ITGA9: variants seen among roughly 807,000 people sequenced by gnomAD.
The protein encoded by ITGA9 is integrin alpha-9.
ITGA9 carries 56 observed loss-of-function variants against 127.8 expected under a neutral mutation model. The observed-to-expected ratio is 0.44, with a 90% CI of 0.35 to 0.55. The LOEUF is 0.55. Ranked by LOEUF, ITGA9 falls within the 20% of genes least tolerant of loss-of-function variation. The pLI, the probability that ITGA9 is intolerant of heterozygous loss-of-function variation, is 0.00. For synonymous variants in ITGA9, 508 were observed against 514.5 expected (o/e 0.99, Z 0.17); for missense variants, 1,196 against 1,347.1 (o/e 0.89, Z 1.76).
intron 26 of ITGA9, among the ~76,000 whole-genome samples, chr3:37,794,648 A>G (rs960315299): frequency 6.6e-6 from 1 of 152,220 alleles, no homozygotes; most frequent in Non-Finnish European, 1.5e-5. Context: ...AGTAGTAGAT[A>G]GTAAACCTCT....
chr3:37,692,134 T>G (rs551579722), intron 18 of ITGA9, among the ~76,000 whole-genome samples: 2 of 152,232 alleles, frequency 1.3e-5, no homozygotes, highest in African/African-American at 4.8e-5. Context: ...AAGGATTAAA[T>G]GAGTCCTACA....
chr3:37,472,570 GT>G (rs1698444455), intron 2 of ITGA9, among the ~76,000 whole-genome samples: 1 of 151,828 alleles, frequency 6.6e-6, no homozygotes, highest in Non-Finnish European at 1.5e-5. Flanking sequence ...TAATTTTTGT[GT>G]TTTTAGTGGA....
chr3:37,483,926 G>C (rs1229407496), intron 4 of ITGA9, among the ~76,000 whole-genome samples: 2 of 152,216 alleles, frequency 1.3e-5, no homozygotes, highest in South Asian at 2.1e-4. Context: ...AAACCATTTT[G>C]TGTCCTGGTA....
chr3:37,590,012 G>T (rs901868256), intron 15 of ITGA9, among the ~76,000 whole-genome samples: 14 of 152,120 alleles, frequency 9.2e-5, no homozygotes, highest in African/African-American at 3.1e-4. Context: ...TCTACCTGCA[G>T]CCGCCATCCC....
At chr3:37,477,697 T>C (rs1698507943) in intron 3 of ITGA9, among the ~76,000 whole-genome samples, 1 of 152,206 alleles carries the variant, frequency 6.6e-6, no homozygotes, top group South Asian at 2.1e-4. Context: ...GAACAAACTC[T>C]GTATAGGCAC....
At chr3:37,637,916 G>T (rs1700296264) in intron 16 of ITGA9, among the ~76,000 whole-genome samples, 1 of 152,124 alleles carries the variant, frequency 6.6e-6, no homozygotes, top group African/African-American at 2.4e-5. Flanking sequence ...CAGGTGATCT[G>T]TCCGCCTTGA....
chr3:37,750,602 C>T (rs368526543), intron 23 of ITGA9, 33 bp downstream of exon 23: 1 of 1,437,702 alleles, frequency 7.0e-7, no homozygotes, highest in Non-Finnish European at 9.8e-7. Context: ...CTATTGCTTT[C>T]AGCTTTGAGC....
In ITGA9 at chr3:37,822,731, G is replaced by A. The variant is rs185676335; in HGVS notation, c.*3742G>A. ...TAGCAGATCCCCAGACGATCCGTGTGCTGTATGCTACCTGTTGAACCCTAG... is the reference window on the plus strand; with the variant it reads ...TAGCAGATCCCCAGACGATCCGTGTACTGTATGCTACCTGTTGAACCCTAG... On this transcript the variant is annotated 3_prime_UTR_variant, in exon 28 of 28. Coordinates refer to ENST00000264741, the MANE Select transcript of ITGA9 (RefSeq NM_002207.3). 3 of 152,220 alleles carry A rather than the reference G, an allele frequency of 2.0e-5. No individual in the cohort carries two copies. The highest frequency in any genetic ancestry group is 1.3e-4 in the Admixed American group (2 of 15,288). 9.4% of individuals were successfully genotyped at this position (152,220 alleles called of 1,614,324 possible).
intron 27 of ITGA9, chr3:37,808,443 C>T (rs1353685640): frequency 6.6e-6 from 1 of 152,156 alleles, no homozygotes; most frequent in Admixed American, 6.6e-5. Context: ...AGGAGACTCT[C>T]AGAAAAGAAA....
At chr3:37,808,580 A>G (rs1261747559) in intron 27 of ITGA9, 2 of 152,168 alleles carry the variant, frequency 1.3e-5, no homozygotes, top group East Asian at 1.9e-4. Context: ...ACTGCCCCCA[A>G]ATTGAATGGC....
intron 13 of ITGA9, among the ~76,000 whole-genome samples, chr3:37,527,452 G>A (rs1431769084): frequency 6.6e-6 from 1 of 152,184 alleles, no homozygotes; most frequent in African/African-American, 2.4e-5. Flanking sequence ...TCTCAGTCTT[G>A]TGTCTTTTAT....
At chr3:37,519,638 G>T (rs1296995682) in intron 11 of ITGA9, among the ~76,000 whole-genome samples, 3 of 152,238 alleles carry the variant, frequency 2.0e-5, no homozygotes, top group Non-Finnish European at 2.9e-5. Flanking sequence ...GAAAGGAAAG[G>T]AAGCTTTCTC....
At chr3:37,483,674 A>C (rs894231846) in intron 4 of ITGA9, among the ~76,000 whole-genome samples, 1 of 152,166 alleles carries the variant, frequency 6.6e-6, no homozygotes, top group Non-Finnish European at 1.5e-5. Context: ...CTGTCCTGCC[A>C]TGTGTGTGGG....
chr3:37,455,182 T>G (rs1698243400), intron 1 of ITGA9, among the ~76,000 whole-genome samples: 1 of 152,240 alleles, frequency 6.6e-6, no homozygotes, highest in African/African-American at 2.4e-5. Context: ...TGTTGGTCGC[T>G]TACTCCTAAG....
chr3:37,769,458 CA>C (rs1369984991), intron 23 of ITGA9, among the ~76,000 whole-genome samples: 1 of 152,168 alleles, frequency 6.6e-6, no homozygotes, highest in Admixed American at 6.5e-5. Flanking sequence ...TCTCCTACTT[CA>C]AAGCTTTCCC....
intron 26 of ITGA9, among the ~76,000 whole-genome samples, chr3:37,800,153 C>A (rs1697220957): frequency 6.6e-6 from 1 of 152,218 alleles, no homozygotes; most frequent in Admixed American, 6.5e-5. Flanking sequence ...GTAGCTGCTA[C>A]TTTAACCTCT....
intron 4 of ITGA9, among the ~76,000 whole-genome samples, chr3:37,490,591 G>A (rs1244179374): frequency 6.6e-6 from 1 of 152,188 alleles, no homozygotes; most frequent in Non-Finnish European, 1.5e-5. Context: ...CTGTGGAATG[G>A]TTTTATCCTG....
chr3:37,749,518 C>A (rs1170181387), intron 22 of ITGA9: 1 of 152,298 alleles, frequency 6.6e-6, no homozygotes, highest in Non-Finnish European at 1.5e-5. Flanking sequence ...TACTTTCTGT[C>A]TCTAGAGATC....
chr3:37,690,715 A>G (rs1436843120), intron 18 of ITGA9, among the ~76,000 whole-genome samples: 1 of 152,102 alleles, frequency 6.6e-6, no homozygotes, highest in Non-Finnish European at 1.5e-5. Context: ...CAGGGCAGGC[A>G]CCCTGGCCCG....
Sources: gnomAD v4.1 joint callset for allele counts (sites outside exome capture counted in the v4.1 genomes callset) on GRCh38, gnomAD v4.1.1 for gene constraint, MANE v1.5 for transcripts, NCBI Gene and HGNC (gene_info 2026-07-23, HGNC 2026-07-21) for gene names.